KIF26B: variants seen among roughly 807,000 people sequenced by gnomAD.
KIF26B encodes the protein kinesin-like protein KIF26B.
A neutral mutation model predicts 151.2 loss-of-function variants in KIF26B; 63 were observed. That is an observed-to-expected ratio of 0.42 (90% CI 0.34 to 0.51). KIF26B has a LOEUF of 0.51. KIF26B is among the 20% of genes least tolerant of loss of function. The probability of loss-of-function intolerance (pLI) is 0.07; values close to 1 mark genes in which losing one functional copy is unlikely to be tolerated. For synonymous variants in KIF26B, 1,357 were observed against 1,262.1 expected (o/e 1.08, Z -1.59); for missense variants, 2,813 against 2,913.6 (o/e 0.97, Z 0.79).
At chr1:245,692,075 C>A (rs2044632060) in intron 12 of KIF26B, among the ~76,000 whole-genome samples, 1 of 152,194 alleles carries the variant, frequency 6.6e-6, no homozygotes, top group Non-Finnish European at 1.5e-5. Flanking sequence ...TCATATGAGA[C>A]TATGCAGATA....
At chr1:245,156,732 G>A (rs184009471) in intron 2 of KIF26B, 49 bp downstream of exon 2, 3 of 1,257,966 alleles carry the variant, frequency 2.4e-6, no homozygotes, top group Non-Finnish European at 3.1e-6. Context: ...GGGCGGGGCC[G>A]GGCCGCCACC....
chr1:245,352,324 T>C lies in KIF26B; in HGVS notation c.466-14510T>C, dbSNP rs1321272657. Among the ~76,000 whole-genome samples the C allele has an allele frequency of 6.6e-6, 1 of 152,198 alleles. No homozygotes were observed. Among genetic ancestry groups the C allele is most frequent in the Non-Finnish European group, 1.5e-5 (1 of 68,032 alleles). On this transcript the variant is annotated intron_variant, in intron 2 of 14. Coordinates refer to ENST00000407071, the MANE Select transcript of KIF26B (RefSeq NM_018012.4). This position sits in a 1 kb window ranked among gnomAD's most constrained non-coding sequence, Gnocchi z 5.0. ...CTTCACTCAGACTGGAGGGCAATGGTGCGATCTCAGCTCACTGCAACCTCC... is the reference window on the plus strand; with the variant it reads ...CTTCACTCAGACTGGAGGGCAATGGCGCGATCTCAGCTCACTGCAACCTCC...
chr1:245,297,377 T>G (rs999374545), intron 2 of KIF26B, among the ~76,000 whole-genome samples: 2 of 152,172 alleles, frequency 1.3e-5, no homozygotes, highest in African/African-American at 2.4e-5. Flanking sequence ...ATTATTTCCA[T>G]GTTTACAGAT....
At chr1:245,413,172 C>A (rs1674328624) in intron 3 of KIF26B, among the ~76,000 whole-genome samples, 1 of 152,216 alleles carries the variant, frequency 6.6e-6, no homozygotes, top group Admixed American at 6.5e-5. Context: ...TCGGCCACTG[C>A]TTTTAGACGG....
chr1:245,171,213 T>G (rs1477436427), intron 2 of KIF26B, among the ~76,000 whole-genome samples: 1 of 152,218 alleles, frequency 6.6e-6, no homozygotes, highest in Non-Finnish European at 1.5e-5. Context: ...GCACATTATA[T>G]CTCTTCAGCA....
intron 4 of KIF26B, among the ~76,000 whole-genome samples, chr1:245,532,332 G>A (rs1358748497): frequency 6.9e-6 from 1 of 144,288 alleles, no homozygotes; most frequent in African/African-American, 2.6e-5. Flanking sequence ...TGCAAGCTCT[G>A]CCTCCCGGGT....
intron 2 of KIF26B, among the ~76,000 whole-genome samples, chr1:245,224,461 C>T (rs1669836980): frequency 6.6e-6 from 1 of 152,190 alleles, no homozygotes; most frequent in African/African-American, 2.4e-5. Flanking sequence ...GAGCAACTGA[C>T]CAACTACAGT....
intron 2 of KIF26B, among the ~76,000 whole-genome samples, chr1:245,338,832 C>G (rs1322717658): frequency 2.0e-5 from 3 of 152,102 alleles, no homozygotes; most frequent in African/African-American, 7.2e-5. Flanking sequence ...ATCGATCACC[C>G]CCAAAGCTTA....
chr1:245,363,195 T>TTCTC (rs144900506), intron 2 of KIF26B, among the ~76,000 whole-genome samples: 1 of 151,814 alleles, frequency 6.6e-6, no homozygotes, highest in African/African-American at 2.4e-5. Context: ...AAGACTTCTT[T>TTCTC]TCTCTCTCTC....
chr1:245,503,819 T>C (rs1425768980), intron 4 of KIF26B, among the ~76,000 whole-genome samples: 2 of 152,246 alleles, frequency 1.3e-5, no homozygotes, highest in African/African-American at 4.8e-5. Flanking sequence ...TGTAAGGATC[T>C]GGTAGCTATT....
chr1:245,299,785 G>A (rs1671398504), intron 2 of KIF26B, among the ~76,000 whole-genome samples: 1 of 152,166 alleles, frequency 6.6e-6, no homozygotes, highest in African/African-American at 2.4e-5. Flanking sequence ...TCCCATTCGA[G>A]TAAATAATAT....
intron 1 of KIF26B, among the ~76,000 whole-genome samples, chr1:245,155,755 G>A (rs1668418608): frequency 6.6e-6 from 1 of 152,260 alleles, no homozygotes; most frequent in African/African-American, 2.4e-5. Context: ...TCTAGGCAGA[G>A]TGAAGCCGAA....
At chr1:245,562,664 G>C (rs2042968511) in intron 5 of KIF26B, among the ~76,000 whole-genome samples, 1 of 151,180 alleles carries the variant, frequency 6.6e-6, no homozygotes. Context: ...GAACCCTTGG[G>C]TAGTGTGAGT....
At chr1:245,322,245 G>T (rs1009234144) in intron 2 of KIF26B, among the ~76,000 whole-genome samples, 1 of 152,066 alleles carries the variant, frequency 6.6e-6, no homozygotes, top group Admixed American at 6.5e-5. Context: ...AGGGGAGGGA[G>T]AGCATTAGGA....
intron 4 of KIF26B, among the ~76,000 whole-genome samples, chr1:245,426,487 G>A (rs1238854886): frequency 1.3e-5 from 2 of 152,116 alleles, no homozygotes; most frequent in Non-Finnish European, 2.9e-5. Flanking sequence ...TTCTCAGGAC[G>A]TGATTGTTTT....
rs547297776 is a variant in KIF26B at position 245,396,561 on chromosome 1, G to A, written c.1000-23018G>A. Among the ~76,000 whole-genome samples the A allele has an allele frequency of 4.2e-3, 640 of 151,948 alleles. 3 individuals carry two copies. Among genetic ancestry groups the A allele is most frequent in the African/African-American group, 0.015 (622 of 41,420 alleles). On this transcript the variant is annotated intron_variant, in intron 3 of 14. Transcript: ENST00000407071. ...TGAGGCAGGAGAATCGCTTGAACCC[G>A]GGAGACAGAGGTTGCAGTGAGCTGA...
At position 245,689,506 on chromosome 1, in the gene KIF26B, C is replaced by G. The variant is rs540159290; in HGVS notation, c.5824+699C>G. 2.4e-4 allele frequency among the ~76,000 whole-genome samples: 36 copies of G among 152,338 alleles called. No homozygotes were observed. The South Asian group carries it at 7.5e-3, about 32-fold the overall frequency. On this transcript the variant is annotated intron_variant, in intron 12 of 14. Transcript: ENST00000407071. ...GCCACAGGGCCTGCAGTGCCCCCCG[C>G]CACACACACCATGATGCCTGAAATG...
At chr1:245,598,300 G>A (rs1013036199) in intron 5 of KIF26B, among the ~76,000 whole-genome samples, 5 of 152,098 alleles carry the variant, frequency 3.3e-5, no homozygotes, top group Non-Finnish European at 7.4e-5. Context: ...CATGAGAAGC[G>A]CTGATGGAGT....
chr1:245,556,331 T>TC (rs1662033816), intron 5 of KIF26B, among the ~76,000 whole-genome samples: 4 of 127,800 alleles, frequency 3.1e-5, no homozygotes, highest in Admixed American at 1.5e-4. Context: ...TCTTCCTCCT[T>TC]CTTCCTCCTT....
Sources: allele counts gnomAD v4.1 joint callset (sites outside exome capture counted in the v4.1 genomes callset), GRCh38; gene constraint gnomAD v4.1.1; non-coding constraint Gnocchi (gnomAD v3.1); transcripts MANE v1.5; gene names NCBI Gene and HGNC (gene_info 2026-07-23, HGNC 2026-07-21).